The following MYH13 variants were observed in gnomAD, a reference collection of about 807,000 sequenced individuals.
The protein encoded by MYH13 is myosin-13.
Under a neutral mutation model 232.1 loss-of-function variants are expected in MYH13, and 177 were observed. That is an observed-to-expected ratio of 0.76 (90% CI 0.67 to 0.86). The LOEUF (loss-of-function observed/expected upper bound fraction) is 0.86, where lower values mean the gene tolerates loss of function less well. MYH13 is among the 40% of genes least tolerant of loss of function. MYH13 has a pLI of 0.00. For missense variants in MYH13, 2,246 were observed against 2,405.9 expected, an observed-to-expected ratio of 0.93 and a Z score of 1.39; for synonymous variants, 884 against 923.5, an observed-to-expected ratio of 0.96 and a Z score of 0.78.
At chr17:10,319,812 A>G (rs1409313647) in intron 26 of MYH13, among the ~76,000 whole-genome samples, 1 of 152,206 alleles carries the variant, frequency 6.6e-6, no homozygotes, top group Non-Finnish European at 1.5e-5. Flanking sequence ...GTGTACAAAA[A>G]CACATAGCAA....
chr17:10,316,369 G>A (rs1906712731), intron 27 of MYH13, among the ~76,000 whole-genome samples: 1 of 152,230 alleles, frequency 6.6e-6, no homozygotes, highest in South Asian at 2.1e-4. Context: ...GCTGAGGCAG[G>A]AGAATCGCTT....
intron 16 of MYH13, among the ~76,000 whole-genome samples, chr17:10,342,914 C>A (rs1597384518): frequency 6.6e-6 from 1 of 151,946 alleles, no homozygotes; most frequent in Admixed American, 6.6e-5. Flanking sequence ...CATGATGGAA[C>A]CCTGTCTCTA....
At chr17:10,367,443 G>T (rs2071846478) in intron 2 of MYH13, among the ~76,000 whole-genome samples, 1 of 152,048 alleles carries the variant, frequency 6.6e-6, no homozygotes, top group South Asian at 2.1e-4. Flanking sequence ...CCACCTCCCG[G>T]GTTCAAGTGA....
At chr17:10,330,013 A>G (rs1449098767) in intron 21 of MYH13, among the ~76,000 whole-genome samples, 5 of 151,108 alleles carry the variant, frequency 3.3e-5, no homozygotes, top group East Asian at 3.9e-4. Context: ...AAAAAAAAAA[A>G]GGAAAAAAGA....
chr17:10,303,651 T>G (rs1906182939), intron 37 of MYH13, among the ~76,000 whole-genome samples, 153 bp from the exon 38 acceptor site: 2 of 152,076 alleles, frequency 1.3e-5, no homozygotes, highest in African/African-American at 4.8e-5. Flanking sequence ...TGTGGAGAAA[T>G]AGGAACACTT....
Position 10,333,151 on chromosome 17 carries a change from AC to A in MYH13, c.2096del (p.Cys699LeufsTer82). The A allele has an allele frequency of 6.4e-7, 1 of 1,551,746 alleles. No homozygotes were observed. The highest frequency in any genetic ancestry group is 8.7e-7 in the Non-Finnish European group (1 of 1,147,010). Reference protein sequence around the residue: ...DHYLVMHQLRCNGVLEGIRIC... With the variant: ...DHYLVMHQLRXNGVLEGIRIC... ...TCCGGATGCCCTCGAGGACCCCGTT[AC>A]AGCGCAGCTGGTGCATGACCAAGTA... On this transcript the variant is annotated frameshift_variant, in exon 19 of 41. Transcript: ENST00000252172. LOFTEE classifies it high-confidence loss of function.
chr17:10,351,220 C>CAAAAAAAAAAAAAAAAAAAAAAA (rs761244522), intron 11 of MYH13, among the ~76,000 whole-genome samples: 65 of 72,648 alleles, frequency 8.9e-4, no homozygotes, highest in Non-Finnish European at 1.4e-3. Context: ...GACTCCATCT[C>CAAAAAAAAAAAAAAAAAAAAAAA]AAAAAAAAAA....
At chr17:10,315,868 C>T (rs200016286) in intron 28 of MYH13, 31 bp downstream of exon 28, 33 of 1,613,922 alleles carry the variant, frequency 2.0e-5, no homozygotes, top group Middle Eastern at 1.6e-4. Context: ...TCCCATGGCC[C>T]GGCTGGACCC....
chr17:10,362,538 GT>G, intron 3 of MYH13, 35 bp from the exon 4 acceptor site: 1 of 1,613,674 alleles, frequency 6.2e-7, no homozygotes, highest in Non-Finnish European at 8.5e-7. Context: ...TAATAAATTG[GT>G]GAGCCAAGTG....
At chr17:10,372,153 C>T (rs1004207440) in intron 1 of MYH13, among the ~76,000 whole-genome samples, 1 of 152,144 alleles carries the variant, frequency 6.6e-6, no homozygotes, top group Non-Finnish European at 1.5e-5. Flanking sequence ...AAAATTCTCA[C>T]AATTTCTTAA....
chr17:10,301,038 G>A, intron 40 of MYH13, 73 bp from the exon 41 acceptor site: 3 of 1,340,698 alleles, frequency 2.2e-6, no homozygotes, highest in Admixed American at 3.7e-5. Context: ...ATCTTGAAGT[G>A]AAGCAGCTGG....
chr17:10,301,448 C>T, intron 40 of MYH13, 121 bp downstream of exon 40: 1 of 1,441,486 alleles, frequency 6.9e-7, no homozygotes, highest in Non-Finnish European at 9.5e-7. Flanking sequence ...CTTACCTGGT[C>T]CCCACATCTC....
In MYH13 at chr17:10,312,773, T is replaced by A. The variant is rs762038219; in HGVS notation, c.4182-16A>T. 6.3e-7 allele frequency: 1 copy of A among 1,595,938 alleles called. No individual in the cohort carries two copies. The highest frequency in any genetic ancestry group is 2.3e-5 in the East Asian group (1 of 44,266). ...CAGTTTTTTCCTACGAAAACCAGAT[T>A]TTTTTTTTCCCCTTCGCAAAGGTGG... On this transcript the variant is annotated splice_polypyrimidine_tract_variant and intron_variant, in intron 30 of 40. Coordinates refer to ENST00000252172, the MANE Select transcript of MYH13 (RefSeq NM_003802.3).
intron 16 of MYH13, among the ~76,000 whole-genome samples, chr17:10,343,260 C>A (rs1057336650): frequency 1.6e-4 from 24 of 151,938 alleles, no homozygotes; most frequent in African/African-American, 5.3e-4. Context: ...GGCAGTGATG[C>A]AAACTCCATT....
chr17:10,309,238 G>A lies in MYH13; in HGVS notation c.5165C>T (p.Ser1722Phe), dbSNP rs778944544. ...DASDRVQLLH[S>F]QNTSLINTKK... ...GAGGAGTGAGGGCCGACGCACCTGG[G>A]AGTGCAGGAGCTGCACGCGGTCGCT... The change falls in exon 35 of 41, where the codon TCC becomes TTC. Residue 1722 changes from serine to phenylalanine, a missense_variant. Ser to Phe is a radical substitution (Grantham distance 155, BLOSUM62 -2). Transcript: ENST00000252172. The A allele has an allele frequency of 6.2e-7, 1 of 1,613,072 alleles. No individual in the cohort carries two copies. The highest frequency in any genetic ancestry group is 1.1e-5 in the South Asian group (1 of 91,032).
intron 18 of MYH13, among the ~76,000 whole-genome samples, chr17:10,335,071 TA>T (rs1357181479): frequency 6.6e-6 from 1 of 152,050 alleles, no homozygotes; most frequent in Non-Finnish European, 1.5e-5. Context: ...TCTTTATTTG[TA>T]AAATAAGGAT....
Position 10,348,699 on chromosome 17 carries a change from T to C in MYH13, c.1144+1857A>G, listed in dbSNP as rs561819005. On this transcript the variant is annotated intron_variant, in intron 12 of 40. Transcript: ENST00000252172. ...GAGGAGCCTGATACTCTTTTTTTTT[T>C]CTTCTCAAGTTTTCCCACTTTTGGT... Among the ~76,000 whole-genome samples the C allele has an allele frequency of 1.2e-3, 176 of 152,216 alleles. 1 individual carries two copies. The highest frequency in any genetic ancestry group is 4.1e-3 in the African/African-American group (170 of 41,522).
chr17:10,300,967 T>G lies in MYH13; in HGVS notation c.5803-2A>C, dbSNP rs1906067494. The G allele has an allele frequency of 6.2e-7, 1 of 1,612,544 alleles. No individual in the cohort carries two copies. The highest frequency in any genetic ancestry group is 1.3e-5 in the African/African-American group (1 of 74,826). On this transcript the variant is annotated splice_acceptor_variant, in intron 40 of 40. Coordinates refer to ENST00000252172, the MANE Select transcript of MYH13 (RefSeq NM_003802.3). LOFTEE classifies it high-confidence loss of function. ...AGGTGAGCCTCATTCTTCCATCTTC[T>G]GTGGGAGAAAAAAATAATTGTACAT...
rs143570993 is a variant in MYH13, at chr17:10,313,935, C to T, written c.3985-581G>A. ...GCTGATGTGAGCTTCGCTGTTTCCACGGCTGGACTTCCTCCTCCTAGGCAG... is the reference window on the plus strand; with the variant it reads ...GCTGATGTGAGCTTCGCTGTTTCCATGGCTGGACTTCCTCCTCCTAGGCAG... On this transcript the variant is annotated intron_variant, in intron 29 of 40. Transcript: ENST00000252172. Among the ~76,000 whole-genome samples the T allele has an allele frequency of 1.5e-4, 23 of 152,332 alleles. 1 individual carries two copies. The South Asian group carries it at 2.7e-3, about 18-fold the overall frequency.
Sources: gnomAD v4.1 joint callset for allele counts (sites outside exome capture counted in the v4.1 genomes callset) on GRCh38, gnomAD v4.1.1 for gene constraint, MANE v1.5 for transcripts, NCBI Gene and HGNC (gene_info 2026-07-23, HGNC 2026-07-21) for gene names.